The following TAFA5 variants were observed in gnomAD, a reference collection of about 807,000 sequenced individuals.
TAFA5 encodes chemokine-like protein TAFA-5.
Under a neutral mutation model 15.3 loss-of-function variants are expected in TAFA5, and 6 were observed. That is an observed-to-expected ratio of 0.39 (90% CI 0.21 to 0.77). TAFA5 has a LOEUF of 0.77. TAFA5 is among the 30% of genes least tolerant of loss of function. The pLI, the probability that TAFA5 is intolerant of heterozygous loss-of-function variation, is 0.41. For missense variants in TAFA5, 161 were observed against 193.1 expected (o/e 0.83, Z 0.98); for synonymous variants, 103 against 80.7 (o/e 1.28, Z -1.48).
In TAFA5 at chr22:48,733,103, C is replaced by T. The variant is rs1929914074; in HGVS notation, c.391-16736C>T. ...TTTACTTTATTGCGGTGGTCTGGAA[C>T]TGAACCCACCATATCTCTGAGGTAT... On this transcript the variant is annotated intron_variant, in intron 3 of 3. Transcript: ENST00000402357. Among the ~76,000 whole-genome samples, 3 of 152,164 alleles carry T rather than the reference C, an allele frequency of 2.0e-5. No individual in the cohort carries two copies. The South Asian group carries it at 6.2e-4, about 32-fold the overall frequency.
At chr22:48,691,213 G>A (rs1045454546) in intron 2 of TAFA5, among the ~76,000 whole-genome samples, 8 of 152,200 alleles carry the variant, frequency 5.3e-5, no homozygotes, top group African/African-American at 9.6e-5. Flanking sequence ...GGTGCGAGGT[G>A]CAGGGGCCAC....
chr22:48,640,591 A>G (rs1158428892), intron 1 of TAFA5, among the ~76,000 whole-genome samples: 1 of 149,338 alleles, frequency 6.7e-6, no homozygotes, highest in Non-Finnish European at 1.5e-5. Context: ...AGAGGCGTTT[A>G]CCCCGGGGCC....
intron 1 of TAFA5, chr22:48,546,892 T>C (rs1308857973): frequency 4.0e-6 from 1 of 252,474 alleles, no homozygotes; most frequent in Non-Finnish European, 8.0e-6. Context: ...ACCGACTGTC[T>C]TGACTCCGTT....
intron 1 of TAFA5, among the ~76,000 whole-genome samples, chr22:48,644,009 G>T (rs538012769): frequency 4.6e-5 from 7 of 152,350 alleles, no homozygotes; most frequent in African/African-American, 1.4e-4. Context: ...CCGTCCAGAT[G>T]CGTGTTGCCC....
intron 1 of TAFA5, among the ~76,000 whole-genome samples, chr22:48,533,771 CT>C (rs34617833): frequency 0.36 from 54,511 of 151,612 alleles, 9,973 homozygotes; most frequent in Middle Eastern, 0.47. Flanking sequence ...TTCCCCAAAC[CT>C]TTTTTTTTCC....
rs528074337 is a variant in TAFA5 at position 48,751,683 on chromosome 22, G to A, written c.*1836G>A. The A allele has an allele frequency of 3.9e-5, 6 of 152,422 alleles. No individual in the cohort carries two copies. Among genetic ancestry groups the A allele is most frequent in the Non-Finnish European group, 5.9e-5 (4 of 68,004 alleles). 9.4% of individuals were successfully genotyped at this position (152,422 alleles called of 1,614,324 possible). A position where few individuals can be genotyped will look rare whatever the true frequency, so the allele number is the denominator to read the frequency against. ...TGAGGTTGGGTTTGTCATCACAGAG[G>A]GGGTGGGCCTGGAAAGGGTCCTTCC... On this transcript the variant is annotated 3_prime_UTR_variant, in exon 4 of 4. Transcript: ENST00000402357.
chr22:48,623,606 G>A (rs906127595), intron 1 of TAFA5, among the ~76,000 whole-genome samples: 7 of 152,226 alleles, frequency 4.6e-5, no homozygotes, highest in South Asian at 4.1e-4. Flanking sequence ...TGAACTTCCC[G>A]GGGCTCAGCA....
At chr22:48,718,098 G>A (rs539610413) in intron 3 of TAFA5, among the ~76,000 whole-genome samples, 21 of 152,306 alleles carry the variant, frequency 1.4e-4, no homozygotes, top group African/African-American at 2.6e-4. Context: ...AGCAGGCCAC[G>A]GGCTGAGCAG....
intron 2 of TAFA5, among the ~76,000 whole-genome samples, chr22:48,673,011 A>G (rs564129796): frequency 6.6e-6 from 1 of 152,252 alleles, no homozygotes; most frequent in African/African-American, 2.4e-5. Context: ...CCCTGACCCC[A>G]AGGCTGATGG....
rs1010540239 is a variant in TAFA5, at chr22:48,742,544, C to T, written c.391-7295C>T. Among the ~76,000 whole-genome samples the T allele has an allele frequency of 1.3e-5, 2 of 149,912 alleles. No homozygotes were observed. Among genetic ancestry groups the T allele is most frequent in the African/African-American group, 4.9e-5 (2 of 40,468 alleles). Reference sequence around the variant, plus strand: ...GACCAGGCGACGTGGTGGACCCGGCCGCATGGTGGACCAGGCAACGTGGTA... The same window carrying T: ...GACCAGGCGACGTGGTGGACCCGGCTGCATGGTGGACCAGGCAACGTGGTA... On this transcript the variant is annotated intron_variant, in intron 3 of 3. Coordinates refer to ENST00000402357, the MANE Select transcript of TAFA5 (RefSeq NM_001082967.3). The surrounding 1 kb of genome is among the most constrained non-coding windows in gnomAD (Gnocchi z 6.2).
intron 1 of TAFA5, among the ~76,000 whole-genome samples, chr22:48,611,142 C>CCAGGCTGGT (rs1288754846): frequency 1.3e-5 from 2 of 152,150 alleles, no homozygotes; most frequent in Non-Finnish European, 2.9e-5. Context: ...ACCATGTTGG[C>CCAGGCTGGT]CAGGCTGGTC....
intron 1 of TAFA5, among the ~76,000 whole-genome samples, chr22:48,642,761 A>T (rs1212580939): frequency 6.6e-6 from 1 of 151,898 alleles, no homozygotes; most frequent in East Asian, 1.9e-4. Flanking sequence ...GTGTTTGGTC[A>T]GTGTGTGGTA....
chr22:48,489,583 C>A lies in TAFA5; in HGVS notation c.-10C>A. The A allele has an allele frequency of 6.9e-7, 1 of 1,440,452 alleles. No individual in the cohort carries two copies. Among genetic ancestry groups the A allele is most frequent in the South Asian group, 1.3e-5 (1 of 75,958 alleles). The allele number at this position is 1,440,452 out of a possible 1,614,324, so 89.2% of individuals were successfully genotyped here. A position where few individuals can be genotyped will look rare whatever the true frequency, so the allele number is the denominator to read the frequency against. ...GCGCTGCTGCCCCCCGCGCGGGCGC[C>A]GCGGCTTCAATGGCGCCATCGCCCA... On this transcript the variant is annotated 5_prime_UTR_variant, in exon 1 of 4. Coordinates refer to ENST00000402357, the MANE Select transcript of TAFA5 (RefSeq NM_001082967.3). The surrounding 1 kb of genome is among the most constrained non-coding windows in gnomAD (Gnocchi z 5.5).
chr22:48,574,777 G>C (rs1923701611), intron 1 of TAFA5, among the ~76,000 whole-genome samples: 1 of 152,218 alleles, frequency 6.6e-6, no homozygotes. Flanking sequence ...TCTTGGTACT[G>C]GGCTCTGGGG....
intron 3 of TAFA5, among the ~76,000 whole-genome samples, chr22:48,708,155 T>G (rs1929141047): frequency 6.6e-6 from 1 of 152,180 alleles, no homozygotes; most frequent in Non-Finnish European, 1.5e-5. Flanking sequence ...CCGTCTTGTT[T>G]CCGGGACTGA....
chr22:48,631,469 C>T lies in TAFA5; in HGVS notation c.113-15128C>T, dbSNP rs565600112. Among the ~76,000 whole-genome samples, 381 of 152,346 alleles carry T rather than the reference C, an allele frequency of 2.5e-3. 1 individual carries two copies. The highest frequency in any genetic ancestry group is 4.5e-3 in the Admixed American group (69 of 15,312). On this transcript the variant is annotated intron_variant, in intron 1 of 3. Coordinates refer to ENST00000402357, the MANE Select transcript of TAFA5 (RefSeq NM_001082967.3). Reference sequence around the variant, plus strand: ...CGGCCCGTGCAGGCGCTGAGTGGCTCGCGTGGATATTCCCTGCCAGGCGGC... The same window carrying T: ...CGGCCCGTGCAGGCGCTGAGTGGCTTGCGTGGATATTCCCTGCCAGGCGGC...
At chr22:48,679,910 C>T (rs1352011582) in intron 2 of TAFA5, among the ~76,000 whole-genome samples, 1 of 152,242 alleles carries the variant, frequency 6.6e-6, no homozygotes, top group Non-Finnish European at 1.5e-5. Context: ...CAGTGGTGAC[C>T]AAGTCCACCC....
At chr22:48,506,333 CAGCCTTGTGCT>C (rs1920997193) in intron 1 of TAFA5, among the ~76,000 whole-genome samples, 1 of 152,246 alleles carries the variant, frequency 6.6e-6, no homozygotes, top group African/African-American at 2.4e-5. Flanking sequence ...ACCCTTCCTG[CAGCCTTGTGCT>C]CCATGGGGGA....
rs948113907 is a variant in TAFA5, at chr22:48,552,681, T to C, written c.112+62977T>C. Among the ~76,000 whole-genome samples the C allele has an allele frequency of 6.6e-6, 1 of 152,184 alleles. No individual in the cohort carries two copies. The highest frequency in any genetic ancestry group is 2.4e-5 in the African/African-American group (1 of 41,444). ...CCCCTGTAGATTAGCTCAGCTTACTTGATTCATTGATTTTGTCAAGGGTCC... is the reference window on the plus strand; with the variant it reads ...CCCCTGTAGATTAGCTCAGCTTACTCGATTCATTGATTTTGTCAAGGGTCC... On this transcript the variant is annotated intron_variant, in intron 1 of 3. Transcript: ENST00000402357. This position sits in a 1 kb window ranked among gnomAD's most constrained non-coding sequence, Gnocchi z 4.1.
Sources: gnomAD v4.1 joint callset for allele counts (sites outside exome capture counted in the v4.1 genomes callset) on GRCh38, gnomAD v4.1.1 for gene constraint, Gnocchi (gnomAD v3.1) non-coding constraint, MANE v1.5 for transcripts, NCBI Gene and HGNC (gene_info 2026-07-23, HGNC 2026-07-21) for gene names.